The following LRTM3 variants were observed in gnomAD, a reference collection of about 807,000 sequenced individuals.
LRTM3 encodes leucine-rich repeat transmembrane protein 3.
chr13:102,734,344 C>A, the LRTM3 span: 102 of 1,551,252 alleles, frequency 6.6e-5, no homozygotes, highest in Non-Finnish European at 8.5e-5. Context: ...TACCTCCAAG[C>A]CTTTCTTCAT....
At chr13:102,730,719 C>G in the LRTM3 span, 1 of 1,551,842 alleles carries the variant, frequency 6.4e-7, no homozygotes, top group South Asian at 1.2e-5. Context: ...CCACTTTGTC[C>G]ACCAGCATTT....
chr13:102,729,759 A>T, the LRTM3 span: 1 of 1,551,892 alleles, frequency 6.4e-7, no homozygotes, highest in Non-Finnish European at 8.7e-7. Context: ...TCTGACTCAT[A>T]ATCATACACT....
At chr13:102,744,443 T>A in the LRTM3 span, 3 of 1,550,460 alleles carry the variant, frequency 1.9e-6, no homozygotes, top group Non-Finnish European at 2.6e-6. Flanking sequence ...AATCTTTGAT[T>A]TCCCTGTTTT....
the LRTM3 span, chr13:102,744,696 A>G: frequency 1.3e-6 from 2 of 1,550,792 alleles, no homozygotes; most frequent in Non-Finnish European, 8.7e-7. Flanking sequence ...TGTTGACTAT[A>G]GCATGGAACT....
chr13:102,744,550 T>A, the LRTM3 span: 1 of 1,550,612 alleles, frequency 6.4e-7, no homozygotes, highest in Non-Finnish European at 8.7e-7. Context: ...CTAAAACAGT[T>A]TCTCTAAAGT....
the LRTM3 span, chr13:102,738,455 C>G: frequency 6.4e-7 from 1 of 1,550,734 alleles, no homozygotes; most frequent in South Asian, 1.2e-5. Context: ...CAGAAGCACA[C>G]TTGGTTCACC....
chr13:102,737,635 T>C, the LRTM3 span: 12 of 1,550,814 alleles, frequency 7.7e-6, no homozygotes, highest in South Asian at 2.4e-5. Flanking sequence ...CTTTGTCTTC[T>C]GGATGCATTA....
the LRTM3 span, chr13:102,735,627 T>C: frequency 1.3e-6 from 2 of 1,551,208 alleles, no homozygotes; most frequent in Middle Eastern, 3.3e-4. Context: ...GGGAGCATTT[T>C]GTCTTCCATA....
chr13:102,748,887 T>C, the LRTM3 span: 2 of 1,550,258 alleles, frequency 1.3e-6, no homozygotes, highest in Non-Finnish European at 1.7e-6. Flanking sequence ...TTTTCCTTTT[T>C]AGTAATATCT....
the LRTM3 span, chr13:102,730,610 G>A: frequency 1.3e-6 from 2 of 1,551,878 alleles, no homozygotes; most frequent in South Asian, 2.4e-5. Context: ...CACAAGGGTT[G>A]GCTGTGGGAA....
chr13:102,742,009 C>A, the LRTM3 span: 1 of 1,550,512 alleles, frequency 6.4e-7, no homozygotes, highest in Non-Finnish European at 8.7e-7. Flanking sequence ...CTGACAATGA[C>A]CTTTGCATTT....
chr13:102,743,514 T>A, the LRTM3 span: 2 of 1,548,694 alleles, frequency 1.3e-6, no homozygotes, highest in Admixed American at 2.0e-5. Context: ...TTTTCCTTCA[T>A]AGTTAAACAT....
chr13:102,745,765 A>G, the LRTM3 span: 1 of 1,551,212 alleles, frequency 6.4e-7, no homozygotes, highest in South Asian at 1.2e-5. Flanking sequence ...ATATGATTTC[A>G]TCAACCTTTG....
At chr13:102,755,041 A>T in the LRTM3 span, among the ~76,000 whole-genome samples, 2 of 152,064 alleles carry the variant, frequency 1.3e-5, no homozygotes, top group African/African-American at 4.8e-5. Context: ...CCTAAAACAA[A>T]CCATACCCCA....
At chr13:102,743,565 T>A in the LRTM3 span, 1 of 1,549,978 alleles carries the variant, frequency 6.5e-7, no homozygotes, top group East Asian at 2.4e-5. Context: ...AACTGTATTG[T>A]GTTTATCTGG....
At chr13:102,741,482 C>T in the LRTM3 span, 7 of 1,549,450 alleles carry the variant, frequency 4.5e-6, no homozygotes, top group Non-Finnish European at 6.1e-6. Flanking sequence ...TTCCTTTAAT[C>T]CTTCTTTTCC....
the LRTM3 span, chr13:102,731,196 C>T: frequency 2.6e-6 from 4 of 1,551,420 alleles, no homozygotes; most frequent in South Asian, 1.2e-5. Flanking sequence ...CTTGAAACAT[C>T]AACAATCAGT....
At chr13:102,730,624 T>A in the LRTM3 span, 3 of 1,552,134 alleles carry the variant, frequency 1.9e-6, no homozygotes, top group Non-Finnish European at 2.6e-6. Flanking sequence ...GTGGGAATTT[T>A]CTGATGAGTG....
At chr13:102,742,484 T>C in the LRTM3 span, 4 of 1,550,038 alleles carry the variant, frequency 2.6e-6, no homozygotes, top group Non-Finnish European at 3.5e-6. Flanking sequence ...TTTAAATTCT[T>C]TCTTGTTTTC....
Sources: gnomAD v4.1 joint callset for allele counts (sites outside exome capture counted in the v4.1 genomes callset) on GRCh38, gnomAD v4.1.1 for gene constraint, MANE v1.5 for transcripts, NCBI Gene and HGNC (gene_info 2026-07-23, HGNC 2026-07-21) for gene names.